Variants in TBC1D19 observed in about 807,000 individuals in gnomAD.
TBC1D19 encodes the protein TBC1 domain family member 19.
Under a neutral mutation model 89.0 loss-of-function variants are expected in TBC1D19, and 60 were observed. That is an observed-to-expected ratio of 0.67 (90% CI 0.55 to 0.84). The LOEUF (loss-of-function observed/expected upper bound fraction) is 0.84. Ranked by LOEUF, TBC1D19 falls within the 40% of genes least tolerant of loss-of-function variation. TBC1D19 has a pLI of 0.00. For synonymous variants in TBC1D19, 189 were observed against 199.7 expected (o/e 0.95, Z 0.45); for missense variants, 500 against 610.8 (o/e 0.82, Z 1.91).
chr4:26,739,814 T>C (rs1275144773), intron 16 of TBC1D19, 50 bp from the exon 17 acceptor site: 4 of 1,041,854 alleles, frequency 3.8e-6, no homozygotes, highest in Non-Finnish European at 5.5e-6. Flanking sequence ...TAAATTTATC[T>C]TAACATTTCA....
At chr4:26,781,204 T>C in the TBC1D19 span, among the ~76,000 whole-genome samples, 3 of 152,184 alleles carry the variant, frequency 2.0e-5, no homozygotes, top group African/African-American at 4.8e-5. Flanking sequence ...TCTAGGTGAT[T>C]CTGGTGCAAG....
At chr4:26,847,890 C>CT in the TBC1D19 span, among the ~76,000 whole-genome samples, 1 of 152,146 alleles carries the variant, frequency 6.6e-6, no homozygotes, top group Admixed American at 6.5e-5. Flanking sequence ...CAGTCATTGA[C>CT]TAAGATGGGG....
chr4:26,590,385 A>C (rs553591373), intron 1 of TBC1D19, among the ~76,000 whole-genome samples: 3 of 152,168 alleles, frequency 2.0e-5, no homozygotes, highest in Non-Finnish European at 4.4e-5. Flanking sequence ...TGTCGTGAGA[A>C]TGATTGGTAT....
In TBC1D19 at chr4:26,636,515, A is replaced by G. The variant is rs187712554; in HGVS notation, c.295-696A>G. Among the ~76,000 whole-genome samples, 114 of 150,458 alleles carry G rather than the reference A, an allele frequency of 7.6e-4. 1 individual carries two copies. Among genetic ancestry groups the G allele is most frequent in the African/African-American group, 2.5e-3 (102 of 41,234 alleles). ...AAAAAAAAAAAAAAAAGAAGAATAG[A>G]GAGATTCTGGATTAAACTGCTCTGA... is the stretch of plus-strand genomic sequence containing the variant. On this transcript the variant is annotated intron_variant, in intron 4 of 20. Transcript: ENST00000264866.
chr4:26,655,561 G>A (rs116650268), intron 7 of TBC1D19, among the ~76,000 whole-genome samples: 1,798 of 152,284 alleles, frequency 0.012, 39 homozygotes, highest in African/African-American at 0.041. Flanking sequence ...CTAGTCAAGC[G>A]TTGGCAATGG....
chr4:26,827,039 TG>T, the TBC1D19 span, among the ~76,000 whole-genome samples: 1 of 152,202 alleles, frequency 6.6e-6, no homozygotes, highest in African/African-American at 2.4e-5. Context: ...ATGTGTTTAT[TG>T]AATCGTATCA....
At chr4:26,764,059 A>G in the TBC1D19 span, among the ~76,000 whole-genome samples, 2 of 152,102 alleles carry the variant, frequency 1.3e-5, no homozygotes, top group African/African-American at 4.8e-5. Flanking sequence ...TTCATTTCTT[A>G]TTTGCTGACT....
At chr4:26,718,531 C>A (rs1430112181) in intron 14 of TBC1D19, among the ~76,000 whole-genome samples, 1 of 152,078 alleles carries the variant, frequency 6.6e-6, no homozygotes, top group Non-Finnish European at 1.5e-5. Context: ...ATGCCCTTCC[C>A]AACTTTTCCT....
At chr4:26,851,136 A>G in the TBC1D19 span, among the ~76,000 whole-genome samples, 2 of 152,218 alleles carry the variant, frequency 1.3e-5, no homozygotes, top group Non-Finnish European at 2.9e-5. Flanking sequence ...CCAAGTTTGC[A>G]GGCCTTTGGC....
the TBC1D19 span, among the ~76,000 whole-genome samples, chr4:26,810,370 G>A: frequency 2.0e-5 from 3 of 152,118 alleles, no homozygotes; most frequent in Non-Finnish European, 4.4e-5. Flanking sequence ...ATCTTGACCT[G>A]TGACATAACT....
Position 26,748,485 on chromosome 4 carries a change from G to T in TBC1D19, c.1394G>T (p.Trp465Leu). 6.2e-7 allele frequency: 1 copy of T among 1,613,786 alleles called. No individual in the cohort carries two copies. The highest frequency in any genetic ancestry group is 2.2e-5 in the East Asian group (1 of 44,830). Residue 465 changes from tryptophan to leucine, a missense_variant, in exon 19 of 21, where the codon TGG becomes TTG. Coordinates refer to ENST00000264866, the MANE Select transcript of TBC1D19 (RefSeq NM_018317.4). ...YLATDQLLLL[W>L]DRILGYNSLE... is the part of the protein sequence containing the mutation. ...GCTACAGATCAGCTCTTGCTTTTAT[G>T]GGATAGAATCCTAGGATACAACTCT... is the stretch of plus-strand genomic sequence containing the variant.
At chr4:26,793,578 C>G in the TBC1D19 span, among the ~76,000 whole-genome samples, 3 of 152,208 alleles carry the variant, frequency 2.0e-5, no homozygotes, top group East Asian at 5.8e-4. Context: ...CAAAAATTAG[C>G]TGGGCATGGT....
At chr4:26,584,328 C>T in intron 1 of TBC1D19, 36 bp downstream of exon 1, 1 of 1,569,488 alleles carries the variant, frequency 6.4e-7, no homozygotes, top group Non-Finnish European at 8.7e-7. Context: ...TGCAGACGGG[C>T]GGGGCCGCGG....
At chr4:26,695,853 A>G (rs1187846574) in intron 13 of TBC1D19, among the ~76,000 whole-genome samples, 1 of 152,216 alleles carries the variant, frequency 6.6e-6, no homozygotes, top group African/African-American at 2.4e-5. Context: ...GAGCTCCTGA[A>G]GGAAGCACTA....
At chr4:26,723,119 C>A (rs1717082150) in intron 15 of TBC1D19, among the ~76,000 whole-genome samples, 1 of 152,172 alleles carries the variant, frequency 6.6e-6, no homozygotes, top group South Asian at 2.1e-4. Flanking sequence ...AAGCCCACAG[C>A]TGTTCATAAA....
intron 13 of TBC1D19, among the ~76,000 whole-genome samples, chr4:26,707,598 T>C (rs1371268410): frequency 6.6e-6 from 1 of 152,006 alleles, no homozygotes; most frequent in Non-Finnish European, 1.5e-5. Context: ...ATAGCTTTTA[T>C]GCCTCTCATT....
intron 11 of TBC1D19, among the ~76,000 whole-genome samples, chr4:26,676,600 T>C (rs995695139): frequency 1.3e-5 from 2 of 151,102 alleles, no homozygotes; most frequent in Non-Finnish European, 2.9e-5. Context: ...ATGCCTGTAA[T>C]CCCAGCTACT....
At chr4:26,600,608 C>T (rs552920860) in intron 1 of TBC1D19, among the ~76,000 whole-genome samples, 1 of 152,168 alleles carries the variant, frequency 6.6e-6, no homozygotes, top group Non-Finnish European at 1.5e-5. Flanking sequence ...TAGAGTATAC[C>T]ACGAAAGGAG....
intron 15 of TBC1D19, among the ~76,000 whole-genome samples, chr4:26,722,447 A>G (rs1292679432): frequency 6.6e-6 from 1 of 152,176 alleles, no homozygotes; most frequent in Non-Finnish European, 1.5e-5. Context: ...ACAAAAATAG[A>G]AGCATGGAAA....
Sources: gnomAD v4.1 joint callset for allele counts (sites outside exome capture counted in the v4.1 genomes callset) on GRCh38, gnomAD v4.1.1 for gene constraint, MANE v1.5 for transcripts, NCBI Gene and HGNC (gene_info 2026-07-23, HGNC 2026-07-21) for gene names.